The following TRIM62 variants were observed in gnomAD, a reference collection of about 807,000 sequenced individuals.
TRIM62 encodes tripartite motif containing 62, also known as E3 ubiquitin-protein ligase TRIM62.
In TRIM62, 39 loss-of-function variants were observed where a neutral mutation model predicts 44.2. That is an observed-to-expected ratio of 0.88 (90% confidence interval 0.68 to 1.15). The LOEUF (loss-of-function observed/expected upper bound fraction) is 1.15, where lower values mean the gene tolerates loss of function less well. Ranked by LOEUF, TRIM62 falls within the 50% of genes most tolerant of loss-of-function variation. The pLI is 0.00. For missense variants in TRIM62, 544 were observed against 665.5 expected (o/e 0.82, Z 2.01); for synonymous variants, 278 against 292.3 (o/e 0.95, Z 0.50).
chr1:33,176,960 C>A (rs1432326311), intron 1 of TRIM62, among the ~76,000 whole-genome samples: 1 of 152,190 alleles, frequency 6.6e-6, no homozygotes, highest in African/African-American at 2.4e-5. Context: ...TGGAAATGGG[C>A]TCCTTCCCTC....
rs1380938766 is a variant in TRIM62, at chr1:33,145,878, C to T, written c.*1299G>A. ...TTCCTTCTAGGGAAATGACATTTCCCAGACTCCCTTGCAGCCAAGGTTCTG... is the reference window on the plus strand; with the variant it reads ...TTCCTTCTAGGGAAATGACATTTCCTAGACTCCCTTGCAGCCAAGGTTCTG... On this transcript the variant is annotated 3_prime_UTR_variant, in exon 5 of 5. Transcript: ENST00000291416. 2.1e-6 allele frequency: 1 copy of T among 471,180 alleles called. No homozygotes were observed. The highest frequency in any genetic ancestry group is 6.9e-5 in the East Asian group (1 of 14,398). 29.2% of individuals were successfully genotyped at this position (471,180 alleles called of 1,614,324 possible).
intron 4 of TRIM62, among the ~76,000 whole-genome samples, chr1:33,149,013 G>A (rs916445803): frequency 6.6e-6 from 1 of 152,114 alleles, no homozygotes; most frequent in African/African-American, 2.4e-5. Context: ...CTGCTTACAC[G>A]GTTCCCTCCA....
chr1:33,152,878 G>A (rs561948978), intron 4 of TRIM62, among the ~76,000 whole-genome samples: 1 of 152,284 alleles, frequency 6.6e-6, no homozygotes, highest in South Asian at 2.1e-4. Context: ...TGGGGAGAAG[G>A]CAGGAGCAAG....
chr1:33,157,429 G>A (rs553392081), intron 4 of TRIM62, among the ~76,000 whole-genome samples: 13 of 151,810 alleles, frequency 8.6e-5, no homozygotes, highest in Non-Finnish European at 1.5e-4. Context: ...TTCTCAGTGC[G>A]GGCTGGTTCC....
chr1:33,173,925 C>A (rs1159623305), intron 1 of TRIM62, among the ~76,000 whole-genome samples: 1 of 151,960 alleles, frequency 6.6e-6, no homozygotes, highest in East Asian at 1.9e-4. Context: ...TCTCGAACTC[C>A]TAGCTTCTGG....
chr1:33,171,573 T>G (rs1250634021), intron 1 of TRIM62, among the ~76,000 whole-genome samples: 1 of 152,166 alleles, frequency 6.6e-6, no homozygotes, highest in Non-Finnish European at 1.5e-5. Flanking sequence ...TCAGGCTTTG[T>G]GCTGGCCGCT....
intron 1 of TRIM62, among the ~76,000 whole-genome samples, chr1:33,171,254 A>T (rs1281843129): frequency 6.6e-6 from 1 of 152,228 alleles, no homozygotes; most frequent in Admixed American, 6.5e-5. Context: ...GAGGAAGGAC[A>T]CTGGTAACGG....
intron 4 of TRIM62, among the ~76,000 whole-genome samples, chr1:33,157,636 C>T (rs1166074961): frequency 1.3e-5 from 2 of 152,170 alleles, no homozygotes; most frequent in Non-Finnish European, 2.9e-5. Context: ...GCACCTAGAA[C>T]AGTTCCTGAT....
Position 33,181,232 on chromosome 1 carries a change from C to T in TRIM62, c.201G>A (p.Lys67=). The change falls in exon 1 of 5, where the codon AAG becomes AAA. Residue 67 remains lysine, a synonymous_variant. Transcript: ENST00000291416. The surrounding 1 kb of genome is among the most constrained non-coding windows in gnomAD (Gnocchi z 6.5). ...TGTAGCGCTCCACGATGTTGGCCAG[C>T]TTGAGGCTGGGCGCCAGCGCGGGCT... The part of the protein sequence containing the change: ...FAEPALAPSL[K]LANIVERYSS... 6.4e-7 allele frequency: 1 copy of T among 1,565,048 alleles called. No individual in the cohort carries two copies. The highest frequency in any genetic ancestry group is 8.6e-7 in the Non-Finnish European group (1 of 1,160,848).
rs1645428123 is a variant in TRIM62 at position 33,177,112 on chromosome 1, C to T, written c.408+3913G>A. Among the ~76,000 whole-genome samples the T allele has an allele frequency of 6.6e-6, 1 of 150,452 alleles. No individual in the cohort carries two copies. Among genetic ancestry groups the T allele is most frequent in the Non-Finnish European group, 1.5e-5 (1 of 67,928 alleles). On this transcript the variant is annotated intron_variant, in intron 1 of 4. Coordinates refer to ENST00000291416, the MANE Select transcript of TRIM62 (RefSeq NM_018207.3). The surrounding 1 kb of genome is among the most constrained non-coding windows in gnomAD (Gnocchi z 4.1). ...ACAAATGCACACACATGCACACACACATGCATGTACGCATGCACACACACG... is the reference window on the plus strand; with the variant it reads ...ACAAATGCACACACATGCACACACATATGCATGTACGCATGCACACACACG...
chr1:33,166,605 A>G (rs1023789914), intron 1 of TRIM62, among the ~76,000 whole-genome samples: 7 of 152,214 alleles, frequency 4.6e-5, no homozygotes, highest in African/African-American at 1.4e-4. Flanking sequence ...AGGTCAAGAA[A>G]CTGGCCCCAT....
At chr1:33,153,702 T>C (rs1041490686) in intron 4 of TRIM62, among the ~76,000 whole-genome samples, 1 of 152,202 alleles carries the variant, frequency 6.6e-6, no homozygotes, top group African/African-American at 2.4e-5. Context: ...AGGAAGAAAC[T>C]GAAGTTCAGA....
intron 4 of TRIM62, among the ~76,000 whole-genome samples, chr1:33,148,320 T>TTTCATGTTTA (rs1336635299): frequency 6.6e-6 from 1 of 152,256 alleles, no homozygotes; most frequent in Admixed American, 6.5e-5. Context: ...CCTAACTCCA[T>TTTCATGTTTA]TTCATGTATA....
At chr1:33,150,591 A>ATTCT (rs1645082345) in intron 4 of TRIM62, among the ~76,000 whole-genome samples, 1 of 152,250 alleles carries the variant, frequency 6.6e-6, no homozygotes. Flanking sequence ...GGGACATAGA[A>ATTCT]GACGGGGAAC....
At position 33,145,547 on chromosome 1, in the gene TRIM62, C is replaced by A. The variant is rs1221291762; in HGVS notation, c.*1630G>T. 5.8e-6 allele frequency: 1 copy of A among 173,014 alleles called. No individual in the cohort carries two copies. The highest frequency in any genetic ancestry group is 5.9e-5 in the Admixed American group (1 of 17,074). The allele number at this position is 173,014 out of a possible 1,614,324, so 10.7% of individuals were successfully genotyped here. A position where few individuals can be genotyped will look rare whatever the true frequency, so the allele number is the denominator to read the frequency against. The stretch of plus-strand genomic sequence containing the variant: ...GACAATTCCTTTTGCCCAAGGGAGG[C>A]CCGGGTGGCGGGGGCAGCCATTTTA... On this transcript the variant is annotated 3_prime_UTR_variant, in exon 5 of 5. Coordinates refer to ENST00000291416, the MANE Select transcript of TRIM62 (RefSeq NM_018207.3).
chr1:33,154,460 G>T (rs932991800), intron 4 of TRIM62, among the ~76,000 whole-genome samples: 3 of 152,002 alleles, frequency 2.0e-5, no homozygotes. Context: ...ATCTTGCTCA[G>T]CTATATGGAA....
chr1:33,163,686 C>CGCCAGG (rs957163002), intron 2 of TRIM62: 1 of 152,360 alleles, frequency 6.6e-6, no homozygotes, highest in Non-Finnish European at 1.5e-5. Context: ...TGCATCACCC[C>CGCCAGG]GCCAGGGCGC....
chr1:33,159,776 C>A lies in TRIM62; in HGVS notation c.673G>T (p.Val225Phe). The A allele has an allele frequency of 6.2e-7, 1 of 1,613,784 alleles. No homozygotes were observed. Among genetic ancestry groups the A allele is most frequent in the Non-Finnish European group, 8.5e-7 (1 of 1,179,980 alleles). ...TGCAGGATCTGGGCTCCCTCCTGGA[C>A]CTTGCGCAGCTGCTGGCTGTAGCGC... ...VQRYSQQLRK[V>F]QEGAQILQER... The change falls in exon 3 of 5, where the codon GTC (valine) becomes TTC (phenylalanine). Residue 225 changes from valine to phenylalanine, a missense_variant. Physicochemically the swap from Val to Phe is conservative, Grantham distance 50. Transcript: ENST00000291416. This position sits in a 1 kb window ranked among gnomAD's most constrained non-coding sequence, Gnocchi z 4.2.
intron 1 of TRIM62, chr1:33,166,209 C>T (rs1645326516): frequency 6.6e-6 from 1 of 152,294 alleles, no homozygotes; most frequent in African/African-American, 2.4e-5. Context: ...GCTCAGGGCT[C>T]CCACTGATCC....
Sources: gnomAD v4.1 joint callset for allele counts (sites outside exome capture counted in the v4.1 genomes callset) on GRCh38, gnomAD v4.1.1 for gene constraint, Gnocchi (gnomAD v3.1) non-coding constraint, MANE v1.5 for transcripts, NCBI Gene and HGNC (gene_info 2026-07-23, HGNC 2026-07-21) for gene names.